NKTR: variants seen among roughly 807,000 people sequenced by gnomAD.
NKTR encodes the protein natural killer cell triggering receptor, also known as NK-tumor recognition protein.
In NKTR, 67 loss-of-function variants were observed where a neutral mutation model predicts 156.3. The ratio of observed to expected loss-of-function variants is 0.43; its 90% CI spans 0.35 to 0.53. NKTR has a LOEUF of 0.53. Ranked by LOEUF, NKTR falls within the 20% of genes least tolerant of loss-of-function variation. The pLI is 0.01. For missense variants in NKTR, 1,604 were observed against 1,730.9 expected (o/e 0.93, Z 1.30); for synonymous variants, 640 against 596.6 (o/e 1.07, Z -1.06).
chr3:42,615,770 C>T (rs1292309364), intron 2 of NKTR, among the ~76,000 whole-genome samples: 3 of 152,072 alleles, frequency 2.0e-5, no homozygotes, highest in African/African-American at 7.2e-5. Context: ...AGCCATTTCC[C>T]AGAGATTTAT....
Position 42,617,602 on chromosome 3 carries a change from A to T in NKTR, c.91A>T (p.Ile31Leu). 1 of 1,605,688 alleles carries T rather than the reference A, an allele frequency of 6.2e-7. No individual in the cohort carries two copies. Among genetic ancestry groups the T allele is most frequent in the Non-Finnish European group, 8.5e-7 (1 of 1,172,606 alleles). The change falls in exon 3 of 17, where the codon ATA (isoleucine) becomes TTA (leucine). Residue 31 changes from isoleucine (I) to leucine (L), a missense_variant. By Grantham distance (5) the Ile-to-Leu change is conservative (BLOSUM62 2). Transcript: ENST00000232978. The stretch of plus-strand genomic sequence containing the variant: ...CATTATGTTTCAGCTCTTCTCAGAC[A>T]TATGTCCAAAAACATGCAAAAACTT... Reference protein sequence around the residue: ...GRIMFQLFSDICPKTCKNFLC... With the variant: ...GRIMFQLFSDLCPKTCKNFLC...
chr3:42,623,906 C>T (rs900802271), intron 6 of NKTR: 1 of 152,122 alleles, frequency 6.6e-6, no homozygotes, highest in Admixed American at 6.6e-5. Context: ...ATTTTTAATA[C>T]ATCCTTGCAA....
Position 42,634,657 on chromosome 3 carries a change from C to A in NKTR, c.974C>A (p.Ser325Tyr). 1 of 1,604,858 alleles carries A rather than the reference C, an allele frequency of 6.2e-7. No homozygotes were observed. Among genetic ancestry groups the A allele is most frequent in the Non-Finnish European group, 8.5e-7 (1 of 1,174,656 alleles). ...VAPIVSDQKPSVSKSGRKIKG... is the reference protein window; with the variant it reads ...VAPIVSDQKPYVSKSGRKIKG... Reference sequence around the variant, plus strand: ...CCCATTGTAAGTGATCAGAAACCATCTGTATCAAAGTCTGGACGGAAGATT... The same window carrying A: ...CCCATTGTAAGTGATCAGAAACCATATGTATCAAAGTCTGGACGGAAGATT... Residue 325 changes from serine to tyrosine, a missense_variant, in exon 11 of 17, where the codon TCT (serine) becomes TAT (tyrosine). Physicochemically the swap from Ser to Tyr is moderately radical, Grantham distance 144. Around this residue, in one of 6 missense-constraint regions of NKTR, gnomAD observed 1,255 missense variants for 1,243.7 expected, o/e 1.01. Transcript: ENST00000232978.
Position 42,637,933 on chromosome 3 carries a change from A to T in NKTR, c.2229A>T (p.Ser743=). The T allele has an allele frequency of 6.2e-7, 1 of 1,614,026 alleles. No individual in the cohort carries two copies. Residue 743 remains serine, a synonymous_variant, in exon 13 of 17, where the codon TCA becomes TCT. Coordinates refer to ENST00000232978, the MANE Select transcript of NKTR (RefSeq NM_005385.4). The stretch of plus-strand genomic sequence containing the variant: ...ATTCACAGTGTAGTAGATCATCTTC[A>T]TATACTTCTATTAGCAGTGATGATG... ...SDHSQCSRSS[S]YTSISSDDGR...
At chr3:42,618,948 T>G in intron 3 of NKTR, 72 bp from the exon 4 acceptor site, 3 of 1,258,896 alleles carry the variant, frequency 2.4e-6, no homozygotes, top group Non-Finnish European at 3.3e-6. Flanking sequence ...ACAGGATTAA[T>G]TGGTTTGTTC....
At chr3:42,644,274 T>C (rs1337283809) in intron 16 of NKTR, among the ~76,000 whole-genome samples, 3 of 152,178 alleles carry the variant, frequency 2.0e-5, no homozygotes, top group African/African-American at 7.2e-5. Flanking sequence ...ACCTTTCTTT[T>C]GGAAAGAAAG....
chr3:42,603,025 CAAAAAAAAAA>C (rs35896209), intron 2 of NKTR: 5 of 102,724 alleles, frequency 4.9e-5, no homozygotes, highest in African/African-American at 1.4e-4. Flanking sequence ...GACCCTGTCT[CAAAAAAAAAA>C]AAAAAGAAAA....
Position 42,632,828 on chromosome 3 carries a change from G to A in NKTR, c.773+5G>A, listed in dbSNP as rs187492964. On this transcript the variant is annotated splice_donor_5th_base_variant and intron_variant, in intron 9 of 16. Coordinates refer to ENST00000232978, the MANE Select transcript of NKTR (RefSeq NM_005385.4). ...ACATGCAATGAACCCAAAAGGGTACGTGTAAAACACCAATGTACTCTTACC... is the reference window on the plus strand; with the variant it reads ...ACATGCAATGAACCCAAAAGGGTACATGTAAAACACCAATGTACTCTTACC... 1.3e-6 allele frequency: 2 copies of A among 1,568,064 alleles called. No individual in the cohort carries two copies. Among genetic ancestry groups the A allele is most frequent in the Non-Finnish European group, 1.7e-6 (2 of 1,159,246 alleles).
At chr3:42,620,885 T>A (rs911720130) in intron 5 of NKTR, 1 of 950,010 alleles carries the variant, frequency 1.1e-6, no homozygotes, top group African/African-American at 1.8e-5. Flanking sequence ...CCTTAGATAA[T>A]TTTGTGATAC....
chr3:42,618,981 T>G, intron 3 of NKTR, 39 bp from the exon 4 acceptor site: 1 of 1,519,128 alleles, frequency 6.6e-7, no homozygotes, highest in Non-Finnish European at 8.9e-7. Flanking sequence ...GATGTATAAA[T>G]AATTAAACTT....
At chr3:42,609,644 A>G (rs994761913) in intron 2 of NKTR, among the ~76,000 whole-genome samples, 1 of 152,220 alleles carries the variant, frequency 6.6e-6, no homozygotes, top group African/African-American at 2.4e-5. Context: ...AGGTTACTCT[A>G]GGGAATATTG....
Position 42,604,659 on chromosome 3 carries a change from C to CTTTT in NKTR, c.58+3631_58+3634dup, listed in dbSNP as rs71072726. On this transcript the variant is annotated intron_variant, in intron 2 of 16. Transcript: ENST00000232978. Reference sequence around the variant, plus strand: ...AATTGTGGATTTATCTATTTCTCTCCTTTTTTTTTTTTTTTTTTTTTTTTT... The same window carrying CTTTT: ...AATTGTGGATTTATCTATTTCTCTCCTTTTTTTTTTTTTTTTTTTTTTTTTTTTT... Among the ~76,000 whole-genome samples the CTTTT allele has an allele frequency of 7.9e-4, 36 of 45,292 alleles. 10 individuals carry two copies. Among genetic ancestry groups the CTTTT allele is most frequent in the Non-Finnish European group, 1.0e-3 (26 of 25,128 alleles). 29.7% of individuals were successfully genotyped at this position (45,292 alleles called of 152,430 possible).
At chr3:42,629,033 T>A (rs1049657489) in intron 6 of NKTR, 2 of 859,550 alleles carry the variant, frequency 2.3e-6, no homozygotes, top group South Asian at 1.1e-4. Flanking sequence ...ATAAAAGCAC[T>A]CTTTACATCT....
At chr3:42,616,737 A>G (rs1707406292) in intron 2 of NKTR, among the ~76,000 whole-genome samples, 1 of 151,972 alleles carries the variant, frequency 6.6e-6, no homozygotes, top group South Asian at 2.1e-4. Context: ...CTGCTCTCTC[A>G]GGGGATAGGA....
At chr3:42,621,022 A>G in intron 5 of NKTR, 1 of 976,002 alleles carries the variant, frequency 1.0e-6, no homozygotes. Context: ...TAAACACCTA[A>G]AAAGATTATT....
intron 14 of NKTR, 69 bp downstream of exon 14, chr3:42,642,665 G>A: frequency 9.4e-7 from 1 of 1,067,454 alleles, no homozygotes; most frequent in Non-Finnish European, 1.5e-6. Flanking sequence ...CATAGGCAGA[G>A]GGGGTAGTTG....
intron 2 of NKTR, chr3:42,602,078 TAGAGGG>T (rs1465661224): frequency 2.0e-5 from 3 of 152,374 alleles, no homozygotes; most frequent in Admixed American, 6.5e-5. Context: ...GCATTCGTGG[TAGAGGG>T]AAACAGCACA....
chr3:42,633,001 A>G (rs1320453556), intron 9 of NKTR, 178 bp downstream of exon 9: 2 of 1,287,712 alleles, frequency 1.6e-6, no homozygotes, highest in Non-Finnish European at 2.0e-6. Context: ...TTTCATTTCA[A>G]AGATTTGTGT....
intron 7 of NKTR, 180 bp from the exon 8 acceptor site, chr3:42,630,991 A>T: frequency 1.4e-6 from 2 of 1,420,578 alleles, no homozygotes; most frequent in Middle Eastern, 2.6e-4. Flanking sequence ...AGTTTGCATA[A>T]TCGTTTCCTT....
Sources: allele counts gnomAD v4.1 joint callset (sites outside exome capture counted in the v4.1 genomes callset), GRCh38; gene constraint gnomAD v4.1.1; regional missense constraint gnomAD v4.1.1; transcripts MANE v1.5; gene names NCBI Gene and HGNC (gene_info 2026-07-23, HGNC 2026-07-21).